Variants in GRID2 observed in about 807,000 individuals in gnomAD.
GRID2 encodes glutamate ionotropic receptor delta type subunit 2.
In GRID2, 33 loss-of-function variants were observed where a neutral mutation model predicts 114.8. The ratio of observed to expected loss-of-function variants is 0.29; its 90% CI spans 0.22 to 0.38. The LOEUF is 0.38. Ranked by LOEUF, GRID2 falls within the 10% of genes least tolerant of loss-of-function variation. The pLI, the probability that GRID2 is intolerant of heterozygous loss-of-function variation, is 1.00. For missense variants in GRID2, 1,184 were observed against 1,257.7 expected (o/e 0.94, Z 0.89); for synonymous variants, 505 against 449.9 (o/e 1.12, Z -1.55).
At chr4:92,840,978 A>G (rs1199251307) in intron 2 of GRID2, among the ~76,000 whole-genome samples, 1 of 152,038 alleles carries the variant, frequency 6.6e-6, no homozygotes, top group Non-Finnish European at 1.5e-5. Context: ...CAAATGGAGA[A>G]TGAACACTGA....
intron 14 of GRID2, among the ~76,000 whole-genome samples, chr4:93,629,408 C>T (rs1743045013): frequency 6.6e-6 from 1 of 152,144 alleles, no homozygotes; most frequent in African/African-American, 2.4e-5. Flanking sequence ...CATCAGTGTG[C>T]CAGCTCCTCT....
intron 10 of GRID2, among the ~76,000 whole-genome samples, chr4:93,433,306 A>C (rs1402888336): frequency 3.3e-5 from 5 of 152,202 alleles, no homozygotes; most frequent in Non-Finnish European, 5.9e-5. Context: ...ACATTTAGCC[A>C]GGTCTCAAAG....
intron 14 of GRID2, among the ~76,000 whole-genome samples, chr4:93,708,867 A>G (rs1283509457): frequency 6.6e-6 from 1 of 151,886 alleles, no homozygotes; most frequent in African/African-American, 2.4e-5. Flanking sequence ...TCTGTTACAG[A>G]GTTTTTGATT....
intron 11 of GRID2, among the ~76,000 whole-genome samples, chr4:93,459,202 AAAAAAGAT>A (rs1723503199): frequency 1.3e-5 from 2 of 150,370 alleles, no homozygotes. Flanking sequence ...AAAAAAAAAA[AAAAAAGAT>A]AGAGTAGTTA....
intron 2 of GRID2, among the ~76,000 whole-genome samples, chr4:92,922,232 A>T (rs1749414791): frequency 6.6e-6 from 1 of 152,056 alleles, no homozygotes; most frequent in African/African-American, 2.4e-5. Flanking sequence ...CCAATTTTCC[A>T]GGTGCCATCG....
intron 14 of GRID2, among the ~76,000 whole-genome samples, chr4:93,710,134 G>A (rs1728358322): frequency 1.3e-5 from 2 of 152,160 alleles, no homozygotes; most frequent in Non-Finnish European, 2.9e-5. Context: ...GTGGATGTTT[G>A]TCAATGTTTA....
chr4:92,715,006 TC>T (rs1199992682), intron 2 of GRID2, among the ~76,000 whole-genome samples: 1 of 152,226 alleles, frequency 6.6e-6, no homozygotes. Context: ...AATGGGATTT[TC>T]TTTTCTATCA....
At chr4:92,964,291 T>G (rs969111351) in intron 2 of GRID2, among the ~76,000 whole-genome samples, 1 of 151,996 alleles carries the variant, frequency 6.6e-6, no homozygotes, top group Non-Finnish European at 1.5e-5. Flanking sequence ...AGGGGGCATC[T>G]TCTTCCAATA....
At chr4:92,619,793 G>T (rs952456101) in intron 2 of GRID2, among the ~76,000 whole-genome samples, 1 of 148,926 alleles carries the variant, frequency 6.7e-6, no homozygotes, top group Non-Finnish European at 1.5e-5. Flanking sequence ...TTTGTTTTTA[G>T]AATCCTTAAA....
At chr4:92,598,460 C>T (rs1335124750) in intron 2 of GRID2, among the ~76,000 whole-genome samples, 2 of 152,096 alleles carry the variant, frequency 1.3e-5, no homozygotes, top group African/African-American at 4.8e-5. Context: ...CCATATTATA[C>T]TGCAGACACT....
intron 2 of GRID2, among the ~76,000 whole-genome samples, chr4:92,971,946 C>A (rs1753545239): frequency 6.6e-6 from 1 of 152,114 alleles, no homozygotes; most frequent in South Asian, 2.1e-4. Flanking sequence ...TGCTGATTAA[C>A]ACTTAGGTTG....
In GRID2 at chr4:92,472,158, C is replaced by T. The variant is rs1437551534; in HGVS notation, c.89-117973C>T. On this transcript the variant is annotated intron_variant, in intron 1 of 15. Coordinates refer to ENST00000282020, the MANE Select transcript of GRID2 (RefSeq NM_001510.4). The stretch of plus-strand genomic sequence containing the variant: ...CCGTTTTAGCCGGGATGGTCTCGAT[C>T]TCCTGACCTCGTGATCCGCCCGCCT... Among the ~76,000 whole-genome samples the T allele has an allele frequency of 8.0e-5, 5 of 62,460 alleles. No homozygotes were observed. The East Asian group carries it at 9.7e-4, about 12-fold the overall frequency. The allele number at this position is 62,460 out of a possible 152,430, so 41.0% of individuals were successfully genotyped here. A position where few individuals can be genotyped will look rare whatever the true frequency, so the allele number is the denominator to read the frequency against.
chr4:93,262,005 T>C (rs1328445296), intron 8 of GRID2, among the ~76,000 whole-genome samples: 1 of 151,640 alleles, frequency 6.6e-6, no homozygotes, highest in Non-Finnish European at 1.5e-5. Context: ...ATCTTATCCG[T>C]CCAGCTTCTG....
chr4:92,428,864 A>C (rs1732294254), intron 1 of GRID2, among the ~76,000 whole-genome samples: 1 of 152,124 alleles, frequency 6.6e-6, no homozygotes, highest in Admixed American at 6.6e-5. Context: ...CATGTTCCAC[A>C]AACATTTTTT....
At chr4:92,641,682 T>C (rs1200707584) in intron 2 of GRID2, among the ~76,000 whole-genome samples, 1 of 151,704 alleles carries the variant, frequency 6.6e-6, no homozygotes, top group Non-Finnish European at 1.5e-5. Context: ...TGCCAACTTT[T>C]ATTTTCAATA....
chr4:92,680,874 C>G (rs1453438507), intron 2 of GRID2, among the ~76,000 whole-genome samples: 1 of 152,092 alleles, frequency 6.6e-6, no homozygotes, highest in African/African-American at 2.4e-5. Context: ...GCCAGAATTA[C>G]TTAGGTGATT....
chr4:93,147,058 T>C (rs967766198), intron 4 of GRID2, among the ~76,000 whole-genome samples: 2 of 152,162 alleles, frequency 1.3e-5, no homozygotes, highest in Non-Finnish European at 2.9e-5. Flanking sequence ...TATTTTTTGG[T>C]TTAACATTTT....
chr4:92,895,670 C>T (rs1370720878), intron 2 of GRID2, among the ~76,000 whole-genome samples: 1 of 151,940 alleles, frequency 6.6e-6, no homozygotes, highest in African/African-American at 2.4e-5. Flanking sequence ...GTTGAAAGTT[C>T]TACTATCTGT....
rs560195982 is a variant in GRID2 at position 93,482,675 on chromosome 4, C to T, written c.1859-7964C>T. Among the ~76,000 whole-genome samples, 11 of 151,902 alleles carry T rather than the reference C, an allele frequency of 7.2e-5. No homozygotes were observed. The South Asian group carries it at 1.7e-3, about 23-fold the overall frequency. Reference sequence around the variant, plus strand: ...ATGTAACAAACCTGCACATTCTGCACGTGTATCCCAGAACTTAAAGTATAA... The same window carrying T: ...ATGTAACAAACCTGCACATTCTGCATGTGTATCCCAGAACTTAAAGTATAA... On this transcript the variant is annotated intron_variant, in intron 11 of 15. Transcript: ENST00000282020.
Sources: gnomAD v4.1 joint callset for allele counts (sites outside exome capture counted in the v4.1 genomes callset) on GRCh38, gnomAD v4.1.1 for gene constraint, MANE v1.5 for transcripts, NCBI Gene and HGNC (gene_info 2026-07-23, HGNC 2026-07-21) for gene names.